The following AGBL1 variants were observed in gnomAD, a reference collection of about 807,000 sequenced individuals.
AGBL1 encodes the protein AGBL carboxypeptidase 1.
AGBL1 carries 130 observed loss-of-function variants against 118.9 expected under a neutral mutation model. That is an observed-to-expected ratio of 1.09 (90% CI 0.95 to 1.26). The LOEUF (loss-of-function observed/expected upper bound fraction) is 1.26. AGBL1 is among the 50% of genes most tolerant of loss of function. The pLI is 0.00. For synonymous variants in AGBL1, 555 were observed against 478.9 expected, an observed-to-expected ratio of 1.16 and a Z score of -2.08; for missense variants, 1,584 against 1,298.1, an observed-to-expected ratio of 1.22 and a Z score of -3.38.
At chr15:86,949,512 C>T (rs999838597) in intron 23 of AGBL1, among the ~76,000 whole-genome samples, 37 of 152,134 alleles carry the variant, frequency 2.4e-4, no homozygotes, top group African/African-American at 8.7e-4. Context: ...ATATTTCAGG[C>T]TGTCAAATAA....
At chr15:86,648,490 G>T (rs907827901) in intron 21 of AGBL1, among the ~76,000 whole-genome samples, 1 of 152,196 alleles carries the variant, frequency 6.6e-6, no homozygotes, top group African/African-American at 2.4e-5. Context: ...AAAACTGTGA[G>T]TTTAATAGGT....
intron 17 of AGBL1, among the ~76,000 whole-genome samples, chr15:86,372,304 C>A (rs1171135519): frequency 1.3e-5 from 2 of 152,058 alleles, no homozygotes; most frequent in South Asian, 2.1e-4. Context: ...GATTGTTTCC[C>A]CTTCTTTCCC....
chr15:86,797,309 G>T (rs2078587043), intron 22 of AGBL1, among the ~76,000 whole-genome samples: 1 of 152,224 alleles, frequency 6.6e-6, no homozygotes, highest in Admixed American at 6.5e-5. Flanking sequence ...CAGCATGACA[G>T]ATTCCTCTTT....
chr15:86,841,598 C>A (rs962398239), intron 22 of AGBL1, among the ~76,000 whole-genome samples: 2 of 152,152 alleles, frequency 1.3e-5, no homozygotes, highest in Non-Finnish European at 2.9e-5. Context: ...ATAATCCCAG[C>A]ACTTTTGGAG....
intron 3 of AGBL1, among the ~76,000 whole-genome samples, chr15:86,148,313 G>A (rs867135948): frequency 4.6e-4 from 70 of 152,144 alleles, no homozygotes; most frequent in African/African-American, 1.4e-3. Flanking sequence ...TCAAAAGGTC[G>A]GTAATAACAA....
At chr15:86,164,956 A>G (rs892175596) in intron 5 of AGBL1, among the ~76,000 whole-genome samples, 2 of 152,174 alleles carry the variant, frequency 1.3e-5, no homozygotes, top group African/African-American at 2.4e-5. Context: ...ACCCTCACAG[A>G]GGATAACATC....
intron 22 of AGBL1, among the ~76,000 whole-genome samples, chr15:86,834,496 T>C (rs2141422624): frequency 6.6e-6 from 1 of 152,306 alleles, no homozygotes; most frequent in Middle Eastern, 3.4e-3. Context: ...ACAGGCCCTC[T>C]TAGGGATAAA....
At chr15:87,017,181 T>C (rs1490644392) in intron 24 of AGBL1, among the ~76,000 whole-genome samples, 2 of 152,124 alleles carry the variant, frequency 1.3e-5, no homozygotes, top group Non-Finnish European at 2.9e-5. Flanking sequence ...TTCTGTGTTC[T>C]GGTTGACTCA....
chr15:86,170,143 C>G lies in AGBL1; in HGVS notation c.488+11117C>G, dbSNP rs188670049. 1.8e-3 allele frequency among the ~76,000 whole-genome samples: 280 copies of G among 152,110 alleles called. 1 individual carries two copies. Among genetic ancestry groups the G allele is most frequent in the African/African-American group, 6.6e-3 (272 of 41,478 alleles). On this transcript the variant is annotated intron_variant, in intron 5 of 22. Coordinates refer to ENST00000614907, the MANE Select transcript of AGBL1 (RefSeq NM_001386094.1). ...CTATTCTAACTATATTTCACATGTT[C>G]AAAAATTAAGTAATGACACAGAAGA...
intron 1 of AGBL1, among the ~76,000 whole-genome samples, chr15:86,134,851 G>A (rs1320579310): frequency 6.6e-6 from 1 of 151,854 alleles, no homozygotes; most frequent in Non-Finnish European, 1.5e-5. Context: ...CTGACCTCAT[G>A]ATCTGCCTGC....
chr15:86,860,266 G>T (rs2079542714), intron 22 of AGBL1, among the ~76,000 whole-genome samples: 1 of 152,024 alleles, frequency 6.6e-6, no homozygotes, highest in African/African-American at 2.4e-5. Context: ...TCTGAGTTTA[G>T]TGCCCAGCAC....
At chr15:86,306,647 G>T (rs530428804) in intron 17 of AGBL1, among the ~76,000 whole-genome samples, 1 of 152,218 alleles carries the variant, frequency 6.6e-6, no homozygotes, top group East Asian at 1.9e-4. Context: ...ATATCTCTTT[G>T]ATATACTGAT....
intron 22 of AGBL1, among the ~76,000 whole-genome samples, chr15:86,727,307 A>T (rs2086835537): frequency 1.3e-5 from 2 of 152,182 alleles, no homozygotes; most frequent in Admixed American, 1.3e-4. Flanking sequence ...GAGACTGGCT[A>T]AATGTGCGAA....
chr15:87,009,342 G>A (rs2081535393), intron 24 of AGBL1, among the ~76,000 whole-genome samples: 1 of 152,214 alleles, frequency 6.6e-6, no homozygotes, highest in Admixed American at 6.5e-5. Flanking sequence ...TTCACATGGT[G>A]TTGAGCCTGT....
intron 22 of AGBL1, among the ~76,000 whole-genome samples, chr15:86,852,553 T>G (rs781719104): frequency 4.6e-5 from 7 of 152,220 alleles, no homozygotes; most frequent in Non-Finnish European, 7.3e-5. Flanking sequence ...GACTTAACAC[T>G]GAAGCTGATC....
chr15:86,786,297 C>T (rs2078412186), intron 22 of AGBL1, among the ~76,000 whole-genome samples: 1 of 152,036 alleles, frequency 6.6e-6, no homozygotes, highest in African/African-American at 2.4e-5. Flanking sequence ...TGATGTTCCC[C>T]TGATTCTTCC....
intron 18 of AGBL1, among the ~76,000 whole-genome samples, chr15:86,463,847 G>T (rs1277408937): frequency 6.6e-6 from 1 of 152,140 alleles, no homozygotes; most frequent in African/African-American, 2.4e-5. Context: ...CTCTAGCCTT[G>T]TAGTATAGTT....
At chr15:86,776,534 A>G (rs1459613306) in intron 22 of AGBL1, among the ~76,000 whole-genome samples, 2 of 150,132 alleles carry the variant, frequency 1.3e-5, no homozygotes, top group Non-Finnish European at 3.0e-5. Flanking sequence ...ATTGATTTGT[A>G]GAAGTTCATT....
intron 24 of AGBL1, among the ~76,000 whole-genome samples, chr15:86,993,347 G>T (rs1298514796): frequency 6.6e-6 from 1 of 152,058 alleles, no homozygotes; most frequent in Admixed American, 6.6e-5. Context: ...ACTATATATT[G>T]GACACTGTGA....
Sources: gnomAD v4.1 joint callset for allele counts (sites outside exome capture counted in the v4.1 genomes callset) on GRCh38, gnomAD v4.1.1 for gene constraint, MANE v1.5 for transcripts, NCBI Gene and HGNC (gene_info 2026-07-23, HGNC 2026-07-21) for gene names.